Variants in TTC28 observed in about 807,000 individuals in gnomAD.
The protein encoded by TTC28 is tetratricopeptide repeat domain 28, also known as tetratricopeptide repeat protein 28.
A neutral mutation model predicts 198.0 loss-of-function variants in TTC28; 61 were observed. The ratio of observed to expected loss-of-function variants is 0.31; its 90% confidence interval spans 0.25 to 0.38. TTC28 has a LOEUF of 0.38. Ranked by LOEUF, TTC28 falls within the 10% of genes least tolerant of loss-of-function variation. The probability of loss-of-function intolerance (pLI) is 1.00; values close to 1 mark genes in which losing one functional copy is unlikely to be tolerated. For missense variants in TTC28, 2,678 were observed against 3,164.0 expected, an observed-to-expected ratio of 0.85 and a Z score of 3.69; for synonymous variants, 1,171 against 1,297.8, an observed-to-expected ratio of 0.90 and a Z score of 2.10.
intron 5 of TTC28, among the ~76,000 whole-genome samples, chr22:28,211,165 C>T (rs1926917522): frequency 6.6e-6 from 1 of 152,126 alleles, no homozygotes; most frequent in Non-Finnish European, 1.5e-5. Context: ...CCGGTACCAA[C>T]CACTGCAAAA....
chr22:28,060,511 G>A (rs1940480780), intron 12 of TTC28, among the ~76,000 whole-genome samples: 2 of 152,268 alleles, frequency 1.3e-5, no homozygotes, highest in African/African-American at 2.4e-5. Context: ...GGACATCTGG[G>A]TTGTTTCCAA....
At chr22:28,312,881 T>C (rs556421885) in intron 2 of TTC28, among the ~76,000 whole-genome samples, 2 of 151,828 alleles carry the variant, frequency 1.3e-5, no homozygotes, top group Admixed American at 6.6e-5. Flanking sequence ...CTGAAGGAGA[T>C]AGAGACACAA....
At chr22:28,445,290 G>C (rs1431606339) in intron 2 of TTC28, among the ~76,000 whole-genome samples, 1 of 152,144 alleles carries the variant, frequency 6.6e-6, no homozygotes, top group Non-Finnish European at 1.5e-5. Flanking sequence ...AGAAAGTTAC[G>C]AAGAAGTTAG....
intron 2 of TTC28, among the ~76,000 whole-genome samples, chr22:28,476,473 G>C (rs1340421274): frequency 6.6e-6 from 1 of 151,928 alleles, no homozygotes; most frequent in Non-Finnish European, 1.5e-5. Context: ...TCCTATCTAG[G>C]AGTCAAATTG....
At chr22:28,360,687 T>C (rs2046144932) in intron 2 of TTC28, among the ~76,000 whole-genome samples, 1 of 152,168 alleles carries the variant, frequency 6.6e-6, no homozygotes. Context: ...AACAAGGCCA[T>C]GAAATGACTG....
chr22:28,106,556 C>G (rs1319627589), intron 7 of TTC28, among the ~76,000 whole-genome samples: 1 of 152,120 alleles, frequency 6.6e-6, no homozygotes, highest in Non-Finnish European at 1.5e-5. Context: ...GGACCTTGCA[C>G]AGATGATGCA....
At chr22:28,220,588 G>T (rs1479923136) in intron 5 of TTC28, among the ~76,000 whole-genome samples, 1 of 152,204 alleles carries the variant, frequency 6.6e-6, no homozygotes, top group Non-Finnish European at 1.5e-5. Context: ...GCCACATGGG[G>T]TTCCCCAATA....
At chr22:28,507,767 GA>G (rs1267935873) in intron 2 of TTC28, among the ~76,000 whole-genome samples, 15 of 152,272 alleles carry the variant, frequency 9.9e-5, no homozygotes, top group Non-Finnish European at 1.9e-4. Flanking sequence ...CATTCTTAAA[GA>G]AAAGAATTTC....
Position 28,578,712 on chromosome 22 carries a change from C to T in TTC28, c.381+50840G>A, listed in dbSNP as rs183315176. Among the ~76,000 whole-genome samples, 257 of 152,202 alleles carry T rather than the reference C, an allele frequency of 1.7e-3. 1 individual carries two copies. Among genetic ancestry groups the T allele is most frequent in the Middle Eastern group, 0.014 (4 of 294 alleles). On this transcript the variant is annotated intron_variant, in intron 2 of 22. Transcript: ENST00000397906. ...TTCCCTTATCCCCTGGCAGTGCCCA[C>T]GTAGCATGGAGAGAAAATGTGTTTT...
At chr22:28,641,709 T>C (rs2051368630) in intron 1 of TTC28, among the ~76,000 whole-genome samples, 1 of 152,026 alleles carries the variant, frequency 6.6e-6, no homozygotes, top group African/African-American at 2.4e-5. Context: ...AATTAATAAA[T>C]AGCAGGCCTA....
At chr22:28,531,789 C>A (rs1247620919) in intron 2 of TTC28, among the ~76,000 whole-genome samples, 1 of 152,194 alleles carries the variant, frequency 6.6e-6, no homozygotes, top group East Asian at 1.9e-4. Flanking sequence ...GGAAACTGAA[C>A]AACCTGCTCC....
intron 12 of TTC28, among the ~76,000 whole-genome samples, chr22:28,036,581 T>G (rs916841298): frequency 6.6e-6 from 1 of 152,138 alleles, no homozygotes; most frequent in African/African-American, 2.4e-5. Context: ...GATCTAAAAT[T>G]GACACCCTAA....
intron 2 of TTC28, among the ~76,000 whole-genome samples, chr22:28,435,911 A>G (rs965803280): frequency 1.3e-5 from 2 of 152,224 alleles, no homozygotes; most frequent in Admixed American, 6.5e-5. Context: ...TCACATGATC[A>G]GTTGTGAGCT....
chr22:28,203,883 G>A (rs1291214729), intron 5 of TTC28, among the ~76,000 whole-genome samples: 1 of 152,264 alleles, frequency 6.6e-6, no homozygotes, highest in African/African-American at 2.4e-5. Flanking sequence ...GACTGATGTT[G>A]TGCCTTCCAA....
At chr22:28,459,454 G>T (rs1442762834) in intron 2 of TTC28, among the ~76,000 whole-genome samples, 1 of 151,942 alleles carries the variant, frequency 6.6e-6, no homozygotes, top group Non-Finnish European at 1.5e-5. Flanking sequence ...ATTAAAGAAA[G>T]AAAAAGAAGG....
intron 5 of TTC28, among the ~76,000 whole-genome samples, chr22:28,177,102 A>G (rs1160763998): frequency 6.6e-6 from 1 of 152,242 alleles, no homozygotes; most frequent in African/African-American, 2.4e-5. Context: ...ACAGACGGCG[A>G]GAAAACATTT....
chr22:28,640,867 T>C (rs1489782741), intron 1 of TTC28, among the ~76,000 whole-genome samples: 4 of 152,286 alleles, frequency 2.6e-5, no homozygotes, highest in Non-Finnish European at 2.9e-5. Flanking sequence ...TACTCTTAGG[T>C]ATCTACCCAA....
chr22:28,310,560 A>G (rs1178862821), intron 2 of TTC28, among the ~76,000 whole-genome samples: 1 of 152,148 alleles, frequency 6.6e-6, no homozygotes, highest in African/African-American at 2.4e-5. Context: ...GAACCAAACA[A>G]TAACCTAATA....
chr22:28,651,942 C>T (rs990858872), intron 1 of TTC28, among the ~76,000 whole-genome samples: 7 of 152,066 alleles, frequency 4.6e-5, no homozygotes, highest in African/African-American at 1.7e-4. Flanking sequence ...CAGGTTCAAG[C>T]AACTCTCCTG....
Sources: gnomAD v4.1 joint callset for allele counts (sites outside exome capture counted in the v4.1 genomes callset) on GRCh38, gnomAD v4.1.1 for gene constraint, MANE v1.5 for transcripts, NCBI Gene and HGNC (gene_info 2026-07-23, HGNC 2026-07-21) for gene names.